Variants in MBOAT2 observed in about 807,000 individuals in gnomAD.
MBOAT2 encodes the protein membrane-bound glycerophospholipid O-acyltransferase 2.
MBOAT2 carries 28 observed loss-of-function variants against 63.4 expected under a neutral mutation model. The ratio of observed to expected loss-of-function variants is 0.44; its 90% CI spans 0.33 to 0.61. MBOAT2 has a LOEUF of 0.61. Ranked by LOEUF, MBOAT2 falls within the 20% of genes least tolerant of loss-of-function variation. The pLI is 0.03. For synonymous variants in MBOAT2, 211 were observed against 215.6 expected (o/e 0.98, Z 0.19); for missense variants, 470 against 605.8 (o/e 0.78, Z 2.35).
At chr2:8,863,696 CTT>C (rs1661655005) in intron 10 of MBOAT2, among the ~76,000 whole-genome samples, 1 of 152,206 alleles carries the variant, frequency 6.6e-6, no homozygotes, top group Non-Finnish European at 1.5e-5. Context: ...ATTGTGAACT[CTT>C]TCACTTTCAG....
chr2:8,959,376 C>G (rs77725164), intron 1 of MBOAT2, among the ~76,000 whole-genome samples: 4,764 of 152,170 alleles, frequency 0.031, 123 homozygotes, highest in South Asian at 0.1. Context: ...TGCTGCTGCT[C>G]TTTTCCCTCC....
chr2:8,940,844 A>G (rs181219184), intron 3 of MBOAT2, among the ~76,000 whole-genome samples: 3 of 152,228 alleles, frequency 2.0e-5, no homozygotes, highest in African/African-American at 7.2e-5. Context: ...AGATAAATTC[A>G]AATCTTTCAT....
intron 1 of MBOAT2, among the ~76,000 whole-genome samples, chr2:8,997,388 G>A (rs897241144): frequency 2.6e-5 from 4 of 152,166 alleles, no homozygotes; most frequent in Non-Finnish European, 5.9e-5. Flanking sequence ...AAAGCAGGGA[G>A]ACAAAGAGCT....
chr2:8,930,650 G>C (rs985118394), intron 3 of MBOAT2, among the ~76,000 whole-genome samples: 2 of 142,436 alleles, frequency 1.4e-5, no homozygotes, highest in South Asian at 4.5e-4. Context: ...CTGAGGAATC[G>C]CCACACTGAC....
chr2:8,982,756 G>A (rs1023748175), intron 1 of MBOAT2, among the ~76,000 whole-genome samples: 14 of 152,174 alleles, frequency 9.2e-5, no homozygotes, highest in African/African-American at 3.4e-4. Flanking sequence ...GCCAGGTACT[G>A]TACCAGGTGC....
intron 1 of MBOAT2, among the ~76,000 whole-genome samples, chr2:8,981,652 G>C (rs1245751256): frequency 6.6e-6 from 1 of 152,098 alleles, no homozygotes; most frequent in Non-Finnish European, 1.5e-5. Flanking sequence ...GATGAGAGAG[G>C]GGGTAGGGCA....
At chr2:8,910,216 G>T (rs1665619632) in intron 3 of MBOAT2, among the ~76,000 whole-genome samples, 1 of 152,170 alleles carries the variant, frequency 6.6e-6, no homozygotes, top group Admixed American at 6.5e-5. Context: ...TAAAGGAAGG[G>T]TTGGGGATTG....
chr2:8,874,206 G>A lies in MBOAT2; in HGVS notation c.691-906C>T, dbSNP rs113431265. On this transcript the variant is annotated intron_variant, in intron 7 of 12. Transcript: ENST00000305997. ...CAAGACAAGAGCCAAAGCATATGCC[G>A]GATGCACTGCACTTCTGAGAACAGT... Among the ~76,000 whole-genome samples the A allele has an allele frequency of 4.9e-3, 746 of 152,242 alleles. 10 individuals carry two copies. Among genetic ancestry groups the A allele is most frequent in the South Asian group, 0.019 (93 of 4,824 alleles).
At chr2:8,943,643 C>T (rs935821725) in intron 2 of MBOAT2, among the ~76,000 whole-genome samples, 12 of 152,056 alleles carry the variant, frequency 7.9e-5, no homozygotes, top group African/African-American at 2.9e-4. Context: ...CGGTTGTTTC[C>T]CCAAACTAGT....
At chr2:8,940,690 G>A (rs1403549394) in intron 3 of MBOAT2, among the ~76,000 whole-genome samples, 1 of 152,184 alleles carries the variant, frequency 6.6e-6, no homozygotes, top group Non-Finnish European at 1.5e-5. Flanking sequence ...ATACATGTGT[G>A]TGTGTGTATA....
intron 7 of MBOAT2, among the ~76,000 whole-genome samples, chr2:8,876,094 T>C (rs1309691264): frequency 6.6e-6 from 1 of 152,234 alleles, no homozygotes; most frequent in East Asian, 1.9e-4. Context: ...GCCTATTCTT[T>C]TTCATGGAAA....
chr2:8,964,198 A>C (rs527424615), intron 1 of MBOAT2, among the ~76,000 whole-genome samples: 64 of 152,324 alleles, frequency 4.2e-4, no homozygotes, highest in Middle Eastern at 3.4e-3. Context: ...TACCAGCCTT[A>C]AGTTTGCTGC....
At chr2:8,903,314 C>A (rs562726880) in intron 4 of MBOAT2, among the ~76,000 whole-genome samples, 12 of 152,182 alleles carry the variant, frequency 7.9e-5, no homozygotes, top group Non-Finnish European at 1.3e-4. Flanking sequence ...AAGTACCTGG[C>A]TCAGCCTTCA....
chr2:8,893,728 A>G (rs184783928), intron 4 of MBOAT2, among the ~76,000 whole-genome samples: 1 of 152,362 alleles, frequency 6.6e-6, no homozygotes, highest in Non-Finnish European at 1.5e-5. Flanking sequence ...GAGCTATTTG[A>G]AGGTCTGCAC....
chr2:8,915,914 C>T (rs1666137558), intron 3 of MBOAT2, among the ~76,000 whole-genome samples: 1 of 152,174 alleles, frequency 6.6e-6, no homozygotes, highest in Non-Finnish European at 1.5e-5. Context: ...CGTACTATTC[C>T]AGGGATCCTG....
chr2:8,908,637 A>G lies in MBOAT2; in HGVS notation c.379T>C (p.Ser127Pro). Residue 127 changes from serine to proline, a missense_variant, in exon 4 of 13, where the codon TCT becomes CCT. Physicochemically the swap from Ser to Pro is moderately conservative, Grantham distance 74 (BLOSUM62 -1). This residue lies in a region of MBOAT2 where 376 missense variants were observed against 503.8 expected (regional missense o/e 0.75). Coordinates refer to ENST00000305997, the MANE Select transcript of MBOAT2 (RefSeq NM_138799.4). ...TCATCTTACCCTGAAAAATCAGCAG[A>G]ATATTGTCCATAGTCAAAGATATAG... is the stretch of plus-strand genomic sequence containing the variant. ...RVYIFDYGQY[S>P]ADFSGPMMII... is the part of the protein sequence containing the mutation. 1 of 1,603,206 alleles carries G rather than the reference A, an allele frequency of 6.2e-7. No individual in the cohort carries two copies. The highest frequency in any genetic ancestry group is 1.1e-5 in the South Asian group (1 of 89,662).
chr2:8,901,174 T>C (rs1458403211), intron 4 of MBOAT2, among the ~76,000 whole-genome samples: 2 of 150,974 alleles, frequency 1.3e-5, no homozygotes, highest in Non-Finnish European at 2.9e-5. Flanking sequence ...ACCCTGCTGA[T>C]TGGAATAGTT....
At chr2:8,879,038 T>C (rs1662913140) in intron 6 of MBOAT2, among the ~76,000 whole-genome samples, 1 of 139,700 alleles carries the variant, frequency 7.2e-6, no homozygotes, top group Non-Finnish European at 1.5e-5. Context: ...ATCCCGCCAC[T>C]GCACTCCAGC....
chr2:8,905,471 G>A (rs571637096), intron 4 of MBOAT2, among the ~76,000 whole-genome samples: 1 of 152,248 alleles, frequency 6.6e-6, no homozygotes, highest in South Asian at 2.1e-4. Context: ...ATACTATGCA[G>A]CCATAAAAAA....
Sources: allele counts gnomAD v4.1 joint callset (sites outside exome capture counted in the v4.1 genomes callset), GRCh38; gene constraint gnomAD v4.1.1; regional missense constraint gnomAD v4.1.1; transcripts MANE v1.5; gene names NCBI Gene and HGNC (gene_info 2026-07-23, HGNC 2026-07-21).